The following HPGDS variants were observed in gnomAD, a reference collection of about 807,000 sequenced individuals.
HPGDS encodes the protein hematopoietic prostaglandin D synthase, also known as GST class-sigma.
In HPGDS, 26 loss-of-function variants were observed where a neutral mutation model predicts 23.1. The ratio of observed to expected loss-of-function variants is 1.13; its 90% CI spans 0.83 to 1.56. The LOEUF is 1.56. Ranked by LOEUF, HPGDS falls within the 40% of genes most tolerant of loss-of-function variation. The pLI, the probability that HPGDS is intolerant of heterozygous loss-of-function variation, is 0.00. For synonymous variants in HPGDS, 95 were observed against 77.9 expected, an observed-to-expected ratio of 1.22 and a Z score of -1.16; for missense variants, 268 against 236.4, an observed-to-expected ratio of 1.13 and a Z score of -0.88.
chr4:94,335,816 A>G (rs1304542776), intron 1 of HPGDS, among the ~76,000 whole-genome samples: 1 of 152,244 alleles, frequency 6.6e-6, no homozygotes, highest in Non-Finnish European at 1.5e-5. Flanking sequence ...TAAATAGTTT[A>G]TTCACTACTA....
At chr4:94,325,566 C>T (rs1298479412) in intron 2 of HPGDS, among the ~76,000 whole-genome samples, 11 of 152,272 alleles carry the variant, frequency 7.2e-5, no homozygotes, top group African/African-American at 2.2e-4. Flanking sequence ...AGCAAGGCTC[C>T]GTGGGCATGG....
At chr4:94,327,583 G>A (rs896156096) in intron 2 of HPGDS, among the ~76,000 whole-genome samples, 1 of 152,174 alleles carries the variant, frequency 6.6e-6, no homozygotes, top group Non-Finnish European at 1.5e-5. Context: ...CTTCATAAAG[G>A]TGCATGAAGG....
intron 1 of HPGDS, among the ~76,000 whole-genome samples, chr4:94,342,426 T>A (rs1030554873): frequency 6.6e-6 from 1 of 152,214 alleles, no homozygotes; most frequent in African/African-American, 2.4e-5. Context: ...AGCCATGAGA[T>A]AATATTCTCT....
chr4:94,323,000 C>G (rs1278349198), intron 2 of HPGDS, among the ~76,000 whole-genome samples: 1 of 152,204 alleles, frequency 6.6e-6, no homozygotes, highest in Non-Finnish European at 1.5e-5. Context: ...ATGTTTATTT[C>G]TGCCTTCATT....
chr4:94,316,392 G>T (rs189961658), intron 3 of HPGDS, among the ~76,000 whole-genome samples: 2 of 151,936 alleles, frequency 1.3e-5, no homozygotes, highest in African/African-American at 4.8e-5. Context: ...CAAATTTTTC[G>T]TATTTTTCTT....
intron 1 of HPGDS, among the ~76,000 whole-genome samples, chr4:94,335,823 A>G (rs1394259979): frequency 6.6e-6 from 1 of 152,212 alleles, no homozygotes; most frequent in Non-Finnish European, 1.5e-5. Context: ...TTTATTCACT[A>G]CTAAGAAAGT....
At chr4:94,311,611 T>C (rs575080877) in intron 3 of HPGDS, among the ~76,000 whole-genome samples, 6 of 151,466 alleles carry the variant, frequency 4.0e-5, no homozygotes, top group African/African-American at 1.5e-4. Flanking sequence ...TTTTTTGTTG[T>C]GTCTCTGCCA....
At chr4:94,317,074 T>A (rs1455629557) in intron 3 of HPGDS, among the ~76,000 whole-genome samples, 3 of 152,210 alleles carry the variant, frequency 2.0e-5, no homozygotes, top group Non-Finnish European at 4.4e-5. Context: ...AAAATGAGGT[T>A]TAGTATTCAT....
At chr4:94,308,302 T>A (rs1756177814) in intron 4 of HPGDS, among the ~76,000 whole-genome samples, 1 of 152,158 alleles carries the variant, frequency 6.6e-6, no homozygotes, top group African/African-American at 2.4e-5. Context: ...AGGTTAGGAA[T>A]GCTTAACCTG....
intron 2 of HPGDS, among the ~76,000 whole-genome samples, chr4:94,318,659 C>T (rs1756443466): frequency 6.6e-6 from 1 of 152,016 alleles, no homozygotes; most frequent in African/African-American, 2.4e-5. Context: ...TGTGGCTTAA[C>T]ATATGGCCCA....
intron 4 of HPGDS, among the ~76,000 whole-genome samples, chr4:94,303,459 A>G (rs911977100): frequency 1.8e-4 from 27 of 152,270 alleles, no homozygotes; most frequent in African/African-American, 6.5e-4. Flanking sequence ...GATAAGGGAT[A>G]CTCAACATGT....
intron 4 of HPGDS, among the ~76,000 whole-genome samples, chr4:94,307,482 A>G (rs922903490): frequency 2.0e-5 from 3 of 152,106 alleles, no homozygotes; most frequent in Admixed American, 6.6e-5. Context: ...CTTTTGGAAT[A>G]CTAGAGGATG....
chr4:94,327,843 G>A (rs1316578751), intron 2 of HPGDS, among the ~76,000 whole-genome samples: 1 of 152,190 alleles, frequency 6.6e-6, no homozygotes, highest in Admixed American at 6.5e-5. Context: ...TGTTGTGGGG[G>A]GATGTCAGAA....
At chr4:94,309,982 C>G (rs186639967) in intron 3 of HPGDS, among the ~76,000 whole-genome samples, 1 of 151,976 alleles carries the variant, frequency 6.6e-6, no homozygotes. Flanking sequence ...GGGTTGTTTG[C>G]TTTTTTCATG....
At chr4:94,315,708 C>T (rs372085508) in intron 3 of HPGDS, among the ~76,000 whole-genome samples, 47 of 152,206 alleles carry the variant, frequency 3.1e-4, no homozygotes, top group African/African-American at 8.4e-4. Context: ...GTGTTAAAAT[C>T]GAAAGAAAAT....
chr4:94,312,776 T>A (rs1361446152), intron 3 of HPGDS, among the ~76,000 whole-genome samples: 1 of 148,984 alleles, frequency 6.7e-6, no homozygotes, highest in Admixed American at 6.6e-5. Flanking sequence ...AATCTCAGTC[T>A]CTTTGTAGGT....
intron 2 of HPGDS, among the ~76,000 whole-genome samples, chr4:94,323,843 T>G (rs910176497): frequency 6.6e-6 from 1 of 152,230 alleles, no homozygotes; most frequent in Non-Finnish European, 1.5e-5. Flanking sequence ...TTGATGCAGT[T>G]TCTTCCTTGC....
chr4:94,334,344 T>A (rs1756785708), intron 2 of HPGDS, 153 bp downstream of exon 2: 1 of 568,640 alleles, frequency 1.8e-6, no homozygotes, highest in African/African-American at 1.9e-5. Flanking sequence ...GGAAATTTGC[T>A]TGATCACACA....
chr4:94,327,450 G>A (rs966302016), intron 2 of HPGDS, among the ~76,000 whole-genome samples: 2 of 152,268 alleles, frequency 1.3e-5, no homozygotes, highest in East Asian at 1.9e-4. Context: ...CAGTGGCAGT[G>A]GTAGTGGGTG....
Sources: allele counts gnomAD v4.1 joint callset (sites outside exome capture counted in the v4.1 genomes callset), GRCh38; gene constraint gnomAD v4.1.1; transcripts MANE v1.5; gene names NCBI Gene and HGNC (gene_info 2026-07-23, HGNC 2026-07-21).